Variants in PREX2 observed in about 807,000 individuals in gnomAD.
PREX2 encodes phosphatidylinositol 3,4,5-trisphosphate-dependent Rac exchanger 2 protein.
Under a neutral mutation model 203.2 loss-of-function variants are expected in PREX2, and 107 were observed. The observed-to-expected ratio is 0.53, with a 90% confidence interval of 0.45 to 0.62. The LOEUF (loss-of-function observed/expected upper bound fraction) is 0.62, where lower values mean the gene tolerates loss of function less well. PREX2 is among the 20% of genes least tolerant of loss of function. The probability of loss-of-function intolerance (pLI) is 0.00; values close to 1 mark genes in which losing one functional copy is unlikely to be tolerated. For synonymous variants in PREX2, 672 were observed against 663.6 expected (o/e 1.01, Z -0.19); for missense variants, 1,777 against 1,955.9 (o/e 0.91, Z 1.72).
intron 1 of PREX2, among the ~76,000 whole-genome samples, chr8:67,998,524 C>T (rs541744465): frequency 4.7e-4 from 72 of 152,296 alleles, no homozygotes; most frequent in African/African-American, 1.6e-3. Context: ...AATCCCAATA[C>T]TTTGGGAGGC....
intron 1 of PREX2, among the ~76,000 whole-genome samples, chr8:67,986,299 T>A (rs776818600): frequency 3.3e-5 from 5 of 152,064 alleles, no homozygotes; most frequent in Non-Finnish European, 5.9e-5. Context: ...TTAGAGAAAT[T>A]CCCAGAATCA....
At chr8:68,158,124 T>TAC (rs1491168162) in intron 35 of PREX2, among the ~76,000 whole-genome samples, 152 of 135,176 alleles carry the variant, frequency 1.1e-3, no homozygotes, top group African/African-American at 5.0e-3. Context: ...TATATATATG[T>TAC]ATATATATAT....
chr8:68,118,962 T>TG (rs1810713173), intron 27 of PREX2: 7 of 504,304 alleles, frequency 1.4e-5, no homozygotes, highest in Non-Finnish European at 2.7e-5. Flanking sequence ...GCATGGTTGA[T>TG]GGGGATGGGC....
At chr8:68,065,176 G>A (rs1298304070) in intron 11 of PREX2, among the ~76,000 whole-genome samples, 3 of 152,194 alleles carry the variant, frequency 2.0e-5, no homozygotes, top group Non-Finnish European at 2.9e-5. Context: ...AGAAGCATTT[G>A]CCTTACAGCT....
chr8:68,158,360 G>A (rs1419962980), intron 35 of PREX2, among the ~76,000 whole-genome samples: 1 of 151,932 alleles, frequency 6.6e-6, no homozygotes, highest in Non-Finnish European at 1.5e-5. Flanking sequence ...AAGAACCTGA[G>A]ACAAAATTAG....
At chr8:68,205,608 A>G (rs1447055606) in intron 37 of PREX2, among the ~76,000 whole-genome samples, 1 of 152,210 alleles carries the variant, frequency 6.6e-6, no homozygotes, top group Non-Finnish European at 1.5e-5. Context: ...TCCTCCATGG[A>G]AGGTAATGAA....
chr8:68,096,095 G>T (rs2129612442), intron 21 of PREX2, among the ~76,000 whole-genome samples: 1 of 152,198 alleles, frequency 6.6e-6, no homozygotes, highest in Admixed American at 6.5e-5. Context: ...GAGCAATAAG[G>T]TTGTTATGGT....
chr8:67,976,706 CGGGAGAGAGACAGAGAGAGAGACAG>C (rs1563480395), intron 1 of PREX2, among the ~76,000 whole-genome samples: 1 of 67,776 alleles, frequency 1.5e-5, no homozygotes, highest in Non-Finnish European at 2.9e-5. Context: ...GAGAGAGAGA[CGGGAGAGAGACAGAGAGAGAGACAG>C]AGAGAGAGAG....
At chr8:67,987,934 T>G (rs531931273) in intron 1 of PREX2, among the ~76,000 whole-genome samples, 61 of 151,820 alleles carry the variant, frequency 4.0e-4, no homozygotes, top group African/African-American at 1.5e-3. Context: ...TGTGTGTGTG[T>G]GTGAACACAC....
chr8:67,984,032 G>T (rs1383200849), intron 1 of PREX2, among the ~76,000 whole-genome samples: 3 of 151,918 alleles, frequency 2.0e-5, no homozygotes, highest in Admixed American at 2.0e-4. Context: ...CTCTGATCCT[G>T]CTATTCTCCC....
At chr8:68,080,630 AC>A (rs1254200880) in intron 16 of PREX2, 45 bp downstream of exon 16, 2 of 1,515,872 alleles carry the variant, frequency 1.3e-6, no homozygotes, top group Non-Finnish European at 1.8e-6. Flanking sequence ...TTGATTAGAC[AC>A]TAGCAGAAGA....
At chr8:68,121,453 G>A (rs1046451853) in intron 30 of PREX2, among the ~76,000 whole-genome samples, 4 of 152,008 alleles carry the variant, frequency 2.6e-5, no homozygotes, top group Non-Finnish European at 4.4e-5. Context: ...AATCACATAG[G>A]TTGCATCATT....
chr8:68,050,918 A>G (rs1427120980), intron 8 of PREX2, among the ~76,000 whole-genome samples: 2 of 152,170 alleles, frequency 1.3e-5, no homozygotes, highest in African/African-American at 2.4e-5. Flanking sequence ...GTGGGAACAT[A>G]TTAGAACATA....
At chr8:68,054,772 T>G (rs936948088) in intron 9 of PREX2, among the ~76,000 whole-genome samples, 4 of 152,208 alleles carry the variant, frequency 2.6e-5, no homozygotes, top group Non-Finnish European at 4.4e-5. Flanking sequence ...TGTTTTCACC[T>G]GAGTCCTGGA....
rs567096197 is a variant in PREX2 at position 68,039,893 on chromosome 8, C to G, written c.839+1601C>G. Among the ~76,000 whole-genome samples the G allele has an allele frequency of 2.6e-5, 4 of 152,272 alleles. No individual in the cohort carries two copies. In the South Asian group the frequency reaches 6.2e-4, roughly 24 times the overall value. On this transcript the variant is annotated intron_variant, in intron 7 of 39. Coordinates refer to ENST00000288368, the MANE Select transcript of PREX2 (RefSeq NM_024870.4). ...GACAACAGTTGTCTCCTAACTGACC[C>G]ACCATATCTTTTCTTATGCCTCCAC...
intron 9 of PREX2, among the ~76,000 whole-genome samples, chr8:68,055,081 T>C (rs937472219): frequency 6.6e-6 from 1 of 152,214 alleles, no homozygotes; most frequent in African/African-American, 2.4e-5. Context: ...TTTTAAAATC[T>C]TCCCCTCTTC....
intron 39 of PREX2, among the ~76,000 whole-genome samples, chr8:68,225,398 A>C (rs1030240230): frequency 6.6e-6 from 1 of 152,206 alleles, no homozygotes; most frequent in Non-Finnish European, 1.5e-5. Context: ...TTTGATTTCC[A>C]TGGTGATGAG....
rs1326180238 is a variant in PREX2, at chr8:68,059,183, A to G, written c.1239-1496A>G. On this transcript the variant is annotated intron_variant, in intron 10 of 39. Coordinates refer to ENST00000288368, the MANE Select transcript of PREX2 (RefSeq NM_024870.4). Reference sequence around the variant, plus strand: ...AGAAAACTAGTCTACAACAAATTCAATAGTTTATATAAAAGTTCAAATGTT... The same window carrying G: ...AGAAAACTAGTCTACAACAAATTCAGTAGTTTATATAAAAGTTCAAATGTT... Among the ~76,000 whole-genome samples, 3 of 152,248 alleles carry G rather than the reference A, an allele frequency of 2.0e-5. No individual in the cohort carries two copies. The East Asian group carries it at 5.8e-4, about 29-fold the overall frequency.
chr8:68,012,449 C>T (rs1807292207), intron 1 of PREX2, among the ~76,000 whole-genome samples: 2 of 152,086 alleles, frequency 1.3e-5, no homozygotes, highest in African/African-American at 4.8e-5. Context: ...CACAAAAAAT[C>T]CTTTTGTTTC....
Sources: gnomAD v4.1 joint callset for allele counts (sites outside exome capture counted in the v4.1 genomes callset) on GRCh38, gnomAD v4.1.1 for gene constraint, MANE v1.5 for transcripts, NCBI Gene and HGNC (gene_info 2026-07-23, HGNC 2026-07-21) for gene names.